PRKCE: variants seen among roughly 807,000 people sequenced by gnomAD.
PRKCE encodes the protein protein kinase C epsilon.
In PRKCE, 16 loss-of-function variants were observed where a neutral mutation model predicts 85.4. That is an observed-to-expected ratio of 0.19 (90% CI 0.13 to 0.28). PRKCE has a LOEUF of 0.28. Ranked by LOEUF, PRKCE falls within the 10% of genes least tolerant of loss-of-function variation. PRKCE has a pLI of 1.00. For synonymous variants in PRKCE, 388 were observed against 371.5 expected, an observed-to-expected ratio of 1.04 and a Z score of -0.51; for missense variants, 573 against 975.2, an observed-to-expected ratio of 0.59 and a Z score of 5.49.
At chr2:45,902,926 A>G (rs1215603488) in intron 2 of PRKCE, among the ~76,000 whole-genome samples, 1 of 152,194 alleles carries the variant, frequency 6.6e-6, no homozygotes, top group Non-Finnish European at 1.5e-5. Flanking sequence ...AGGCCTTTGT[A>G]TGCTGATGTA....
At chr2:45,691,295 A>G (rs950273628) in intron 1 of PRKCE, among the ~76,000 whole-genome samples, 1 of 152,134 alleles carries the variant, frequency 6.6e-6, no homozygotes, top group Non-Finnish European at 1.5e-5. Context: ...GGCTGGGTGC[A>G]CCTGTTGCTG....
At position 45,708,257 on chromosome 2, in the gene PRKCE, G is replaced by A. The variant is rs146819789; in HGVS notation, c.348+55809G>A. ...CAAAGCTGTGAGGTCAGTTGTAGCA[G>A]AGATGGCTTATGTGTCCACCAAAGC... On this transcript the variant is annotated intron_variant, in intron 1 of 14. Coordinates refer to ENST00000306156, the MANE Select transcript of PRKCE (RefSeq NM_005400.3). 8.3e-4 allele frequency among the ~76,000 whole-genome samples: 126 copies of A among 152,336 alleles called. 1 individual carries two copies. Among genetic ancestry groups the A allele is most frequent in the Middle Eastern group, 3.4e-3 (1 of 294 alleles).
At chr2:45,972,458 C>A in intron 2 of PRKCE, among the ~76,000 whole-genome samples, 1 of 152,112 alleles carries the variant, frequency 6.6e-6, no homozygotes, top group Non-Finnish European at 1.5e-5. Flanking sequence ...TGTGCAGAAG[C>A]TTTTTAGTTT....
intron 10 of PRKCE, among the ~76,000 whole-genome samples, chr2:46,019,994 C>T (rs559585502): frequency 6.6e-6 from 1 of 151,954 alleles, no homozygotes; most frequent in Non-Finnish European, 1.5e-5. Flanking sequence ...GGATTACAGG[C>T]ACGCACCACC....
chr2:46,034,418 C>T (rs550371365), intron 10 of PRKCE, among the ~76,000 whole-genome samples: 49 of 152,254 alleles, frequency 3.2e-4, no homozygotes, highest in Non-Finnish European at 6.6e-4. Flanking sequence ...GCTGTGTGCC[C>T]GTGTTTGCAT....
intron 2 of PRKCE, among the ~76,000 whole-genome samples, chr2:45,939,230 C>A (rs1699704727): frequency 6.6e-6 from 1 of 152,172 alleles, no homozygotes; most frequent in Non-Finnish European, 1.5e-5. Context: ...GATACAAGTG[C>A]CAAGTGCTGT....
At chr2:46,038,399 T>C (rs1387117268) in intron 10 of PRKCE, among the ~76,000 whole-genome samples, 1 of 151,376 alleles carries the variant, frequency 6.6e-6, no homozygotes, top group Non-Finnish European at 1.5e-5. Flanking sequence ...CAATGAAGAG[T>C]TGTATAAAAA....
intron 6 of PRKCE, 27 bp downstream of exon 6, chr2:45,984,707 G>T (rs781097089): frequency 2.5e-6 from 4 of 1,584,930 alleles, no homozygotes; most frequent in East Asian, 2.2e-5. Context: ...CCTGCCCTCA[G>T]CCCCTGCATG....
At chr2:45,859,821 G>T (rs566292987) in intron 2 of PRKCE, among the ~76,000 whole-genome samples, 6 of 152,066 alleles carry the variant, frequency 3.9e-5, no homozygotes, top group South Asian at 2.1e-4. Flanking sequence ...TTTCTGCTTG[G>T]GCCAATGAGT....
intron 1 of PRKCE, among the ~76,000 whole-genome samples, chr2:45,775,833 C>A (rs940673979): frequency 2.0e-5 from 3 of 152,170 alleles, no homozygotes; most frequent in Non-Finnish European, 4.4e-5. Flanking sequence ...ATGGTCTGTA[C>A]CCCACCCCTG....
intron 1 of PRKCE, among the ~76,000 whole-genome samples, chr2:45,826,602 TC>T (rs750654211): frequency 4.6e-5 from 7 of 152,158 alleles, no homozygotes; most frequent in African/African-American, 1.7e-4. Flanking sequence ...GCTTGGACCT[TC>T]CCCCCGAACT....
intron 1 of PRKCE, among the ~76,000 whole-genome samples, chr2:45,705,202 G>A (rs1679009808): frequency 6.6e-6 from 1 of 152,208 alleles, no homozygotes; most frequent in African/African-American, 2.4e-5. Flanking sequence ...GCCCAGTTCT[G>A]TGGAGCTCGG....
intron 2 of PRKCE, among the ~76,000 whole-genome samples, chr2:45,972,790 A>T (rs988880378): frequency 6.6e-6 from 1 of 152,240 alleles, no homozygotes; most frequent in Non-Finnish European, 1.5e-5. Context: ...TGGAAGAATT[A>T]ATGTTTGTTA....
chr2:46,008,223 A>G (rs1459766637), intron 9 of PRKCE, among the ~76,000 whole-genome samples: 1 of 152,170 alleles, frequency 6.6e-6, no homozygotes, highest in East Asian at 1.9e-4. Context: ...CATGCCTCGG[A>G]TCAGGGTCCT....
chr2:45,879,211 C>T (rs181216781), intron 2 of PRKCE, among the ~76,000 whole-genome samples: 649 of 152,294 alleles, frequency 4.3e-3, no homozygotes, highest in Non-Finnish European at 7.2e-3. Flanking sequence ...AGAAGCAGCT[C>T]GACTTCAGAG....
intron 2 of PRKCE, among the ~76,000 whole-genome samples, chr2:45,863,187 T>C (rs1693309355): frequency 2.0e-5 from 3 of 152,130 alleles, no homozygotes. Context: ...GCCTCCAGTC[T>C]AGACCCTACT....
chr2:46,147,682 G>A (rs930544995), intron 12 of PRKCE, among the ~76,000 whole-genome samples: 4 of 152,228 alleles, frequency 2.6e-5, no homozygotes, highest in Non-Finnish European at 4.4e-5. Flanking sequence ...GGGCTACTGG[G>A]AAGATTAAAT....
At chr2:45,855,728 A>G (rs181434396) in intron 2 of PRKCE, among the ~76,000 whole-genome samples, 19 of 152,310 alleles carry the variant, frequency 1.2e-4, no homozygotes, top group Admixed American at 6.5e-4. Flanking sequence ...ACAGGAGTAG[A>G]AAGAGACTGA....
chr2:46,048,510 C>T (rs530248904), intron 10 of PRKCE, among the ~76,000 whole-genome samples: 1 of 152,338 alleles, frequency 6.6e-6, no homozygotes, highest in African/African-American at 2.4e-5. Flanking sequence ...TCCTACCGAG[C>T]AGATGACTTT....
Sources: allele counts gnomAD v4.1 joint callset (sites outside exome capture counted in the v4.1 genomes callset), GRCh38; gene constraint gnomAD v4.1.1; transcripts MANE v1.5; gene names NCBI Gene and HGNC (gene_info 2026-07-23, HGNC 2026-07-21).